RALGAPA2: variants seen among roughly 807,000 people sequenced by gnomAD.
RALGAPA2 encodes Ral GTPase activating protein catalytic subunit alpha 2.
RALGAPA2 carries 139 observed loss-of-function variants against 230.4 expected under a neutral mutation model. The ratio of observed to expected loss-of-function variants is 0.60; its 90% CI spans 0.53 to 0.69. The LOEUF (loss-of-function observed/expected upper bound fraction) is 0.69. Ranked by LOEUF, RALGAPA2 falls within the 30% of genes least tolerant of loss-of-function variation. The pLI is 0.00. For synonymous variants in RALGAPA2, 847 were observed against 837.8 expected (o/e 1.01, Z -0.19); for missense variants, 2,163 against 2,276.0 (o/e 0.95, Z 1.01).
At chr20:20,464,433 T>C (rs1254012776) in intron 37 of RALGAPA2, among the ~76,000 whole-genome samples, 2 of 152,252 alleles carry the variant, frequency 1.3e-5, no homozygotes, top group African/African-American at 2.4e-5. Context: ...AAATGGACTC[T>C]GACAATGAAA....
chr20:20,609,275 A>T (rs2065909682), intron 14 of RALGAPA2, among the ~76,000 whole-genome samples: 1 of 152,202 alleles, frequency 6.6e-6, no homozygotes. Context: ...CTGGGATTAC[A>T]AGTGTAAGCC....
At chr20:20,524,574 C>A in intron 29 of RALGAPA2, 31 bp from the exon 30 acceptor site, 2 of 1,613,152 alleles carry the variant, frequency 1.2e-6, no homozygotes, top group Non-Finnish European at 1.7e-6. Flanking sequence ...GTAGCTTATG[C>A]TGCAGTCTCT....
At chr20:20,496,900 C>A (rs1166728130) in intron 35 of RALGAPA2, among the ~76,000 whole-genome samples, 2 of 152,182 alleles carry the variant, frequency 1.3e-5, no homozygotes, top group Non-Finnish European at 2.9e-5. Flanking sequence ...TGTGCCTATA[C>A]CATTGTACCT....
chr20:20,571,383 T>C (rs2064627718), intron 23 of RALGAPA2, 75 bp downstream of exon 23: 5 of 1,415,852 alleles, frequency 3.5e-6, no homozygotes, highest in African/African-American at 1.4e-5. Flanking sequence ...TTTTCATAAA[T>C]ATTACTAATG....
intron 16 of RALGAPA2, among the ~76,000 whole-genome samples, chr20:20,599,138 T>C (rs1298713190): frequency 6.6e-6 from 1 of 152,224 alleles, no homozygotes; most frequent in African/African-American, 2.4e-5. Context: ...ACAGACATTA[T>C]AATCAGTTTT....
intron 1 of RALGAPA2, among the ~76,000 whole-genome samples, chr20:20,688,760 T>C (rs934281016): frequency 2.0e-5 from 3 of 152,224 alleles, no homozygotes; most frequent in Non-Finnish European, 2.9e-5. Context: ...AATTTAGATA[T>C]ACAGAGAGGC....
intron 37 of RALGAPA2, among the ~76,000 whole-genome samples, chr20:20,433,228 T>C (rs2060535968): frequency 6.6e-6 from 1 of 152,224 alleles, no homozygotes; most frequent in South Asian, 2.1e-4. Flanking sequence ...TACTCTCACT[T>C]TATAGCTGAA....
intron 16 of RALGAPA2, among the ~76,000 whole-genome samples, chr20:20,591,802 T>C (rs1422312936): frequency 6.6e-6 from 1 of 152,220 alleles, no homozygotes; most frequent in Non-Finnish European, 1.5e-5. Flanking sequence ...AATAAAATGC[T>C]ATAGTTATGT....
chr20:20,458,531 T>A (rs6082003), intron 37 of RALGAPA2, among the ~76,000 whole-genome samples: 1 of 137,468 alleles, frequency 7.3e-6, no homozygotes, highest in Non-Finnish European at 1.5e-5. Context: ...TTATATATAT[T>A]ATATATAATA....
chr20:20,558,555 C>G (rs2064158127), intron 23 of RALGAPA2, among the ~76,000 whole-genome samples: 1 of 151,966 alleles, frequency 6.6e-6, no homozygotes, highest in Non-Finnish European at 1.5e-5. Flanking sequence ...AAAATAAAGA[C>G]AGGTCTTCCA....
At chr20:20,580,779 T>A (rs1282431999) in intron 20 of RALGAPA2, among the ~76,000 whole-genome samples, 1 of 152,180 alleles carries the variant, frequency 6.6e-6, no homozygotes, top group Non-Finnish European at 1.5e-5. Flanking sequence ...CATGATTTAA[T>A]GAGAAAGCAA....
chr20:20,484,263 A>G (rs185524722), intron 36 of RALGAPA2, among the ~76,000 whole-genome samples: 7 of 152,354 alleles, frequency 4.6e-5, no homozygotes, highest in African/African-American at 1.7e-4. Flanking sequence ...TGAACATTTT[A>G]TAAACATTTT....
intron 4 of RALGAPA2, among the ~76,000 whole-genome samples, chr20:20,648,276 C>A (rs1488526634): frequency 1.3e-5 from 2 of 152,002 alleles, no homozygotes; most frequent in African/African-American, 4.8e-5. Flanking sequence ...TTATGTAAGA[C>A]TCTAGAAAAC....
chr20:20,575,649 C>T (rs1369096497), intron 20 of RALGAPA2, among the ~76,000 whole-genome samples: 1 of 152,128 alleles, frequency 6.6e-6, no homozygotes, highest in Admixed American at 6.6e-5. Flanking sequence ...GCCCCATCAT[C>T]ACCTCCTACT....
intron 37 of RALGAPA2, among the ~76,000 whole-genome samples, chr20:20,434,459 A>T (rs186423916): frequency 1.4e-4 from 21 of 152,254 alleles, no homozygotes; most frequent in Non-Finnish European, 2.5e-4. Flanking sequence ...TTCAGCCACA[A>T]CCAGAAATGG....
chr20:20,541,919 G>T (rs1175832082), intron 24 of RALGAPA2, among the ~76,000 whole-genome samples: 1 of 152,146 alleles, frequency 6.6e-6, no homozygotes, highest in Non-Finnish European at 1.5e-5. Context: ...TTCTGGCCAG[G>T]GCAATCGGGC....
intron 12 of RALGAPA2, among the ~76,000 whole-genome samples, chr20:20,617,019 C>T (rs572330602): frequency 4.6e-5 from 7 of 152,260 alleles, no homozygotes; most frequent in South Asian, 2.1e-4. Flanking sequence ...AGCAAAATAA[C>T]GGTGTGTTAC....
intron 23 of RALGAPA2, among the ~76,000 whole-genome samples, chr20:20,555,793 CTTT>C (rs1472455714): frequency 1.3e-5 from 2 of 151,958 alleles, no homozygotes; most frequent in Non-Finnish European, 2.9e-5. Flanking sequence ...TAGTAGGTTT[CTTT>C]TTTAAGTGTG....
rs1022037575 is a variant in RALGAPA2 at position 20,529,490 on chromosome 20, T to G, written c.3582+2197A>C. Reference sequence around the variant, plus strand: ...CTATATAGAAATATATATACAGTCATGTACCTCCTAAATATGTTTTGGAAA... The same window carrying G: ...CTATATAGAAATATATATACAGTCAGGTACCTCCTAAATATGTTTTGGAAA... On this transcript the variant is annotated intron_variant, in intron 27 of 39. Coordinates refer to ENST00000202677, the MANE Select transcript of RALGAPA2 (RefSeq NM_020343.4). Among the ~76,000 whole-genome samples, 3 of 152,248 alleles carry G rather than the reference T, an allele frequency of 2.0e-5. No individual in the cohort carries two copies. The East Asian group carries it at 5.8e-4, about 29-fold the overall frequency.
Sources: allele counts gnomAD v4.1 joint callset (sites outside exome capture counted in the v4.1 genomes callset), GRCh38; gene constraint gnomAD v4.1.1; transcripts MANE v1.5; gene names NCBI Gene and HGNC (gene_info 2026-07-23, HGNC 2026-07-21).